GLIS3: variants seen among roughly 807,000 people sequenced by gnomAD.
The protein encoded by GLIS3 is GLIS family zinc finger 3.
In GLIS3, 53 loss-of-function variants were observed where a neutral mutation model predicts 78.6. That is an observed-to-expected ratio of 0.67 (90% CI 0.54 to 0.85). The LOEUF is 0.85. GLIS3 is among the 40% of genes least tolerant of loss of function. GLIS3 has a pLI of 0.00. For synonymous variants in GLIS3, 684 were observed against 509.9 expected (o/e 1.34, Z -4.60); for missense variants, 1,703 against 1,231.1 (o/e 1.38, Z -5.74).
intron 2 of GLIS3, among the ~76,000 whole-genome samples, chr9:4,197,260 A>G (rs975805481): frequency 6.6e-6 from 1 of 150,784 alleles, no homozygotes; most frequent in Non-Finnish European, 1.5e-5. Context: ...ATGCTGTGCA[A>G]GGGGGCCCTC....
At chr9:4,383,167 C>G in the GLIS3 span, among the ~76,000 whole-genome samples, 1 of 152,246 alleles carries the variant, frequency 6.6e-6, no homozygotes, top group South Asian at 2.1e-4. Context: ...AGGCCTCCCA[C>G]TGGCCCAAGG....
chr9:4,397,024 C>CTTTTTTTTTT, the GLIS3 span, among the ~76,000 whole-genome samples: 10 of 121,196 alleles, frequency 8.3e-5, no homozygotes, highest in Admixed American at 1.6e-4. Context: ...TTCTTTTTTT[C>CTTTTTTTTTT]TTTTTTTTTT....
chr9:4,250,788 T>A (rs1824298901), intron 2 of GLIS3, among the ~76,000 whole-genome samples: 1 of 152,256 alleles, frequency 6.6e-6, no homozygotes, highest in African/African-American at 2.4e-5. Flanking sequence ...TTTAGCTGTG[T>A]CCCAGAGATT....
chr9:4,392,493 G>C, the GLIS3 span, among the ~76,000 whole-genome samples: 1 of 152,084 alleles, frequency 6.6e-6, no homozygotes, highest in Admixed American at 6.5e-5. Flanking sequence ...TCTCCACCTC[G>C]CTGGTATCTG....
intron 3 of GLIS3, chr9:4,123,865 A>G (rs998046986): frequency 8.3e-5 from 33 of 398,094 alleles, no homozygotes; most frequent in Non-Finnish European, 3.1e-5. Flanking sequence ...TAAGAATTAC[A>G]TCTTCAGGAA....
chr9:4,065,036 T>C (rs1001048274), intron 4 of GLIS3, among the ~76,000 whole-genome samples: 1 of 152,176 alleles, frequency 6.6e-6, no homozygotes, highest in Non-Finnish European at 1.5e-5. Context: ...AGGGAAAAAG[T>C]TGGATTCTAG....
At chr9:4,406,585 C>G in the GLIS3 span, among the ~76,000 whole-genome samples, 489 of 152,226 alleles carry the variant, frequency 3.2e-3, 3 homozygotes, top group African/African-American at 0.011. Context: ...ACTATTTGAA[C>G]TGATAAATTC....
the GLIS3 span, among the ~76,000 whole-genome samples, chr9:4,358,448 G>T: frequency 6.6e-6 from 1 of 152,132 alleles, no homozygotes; most frequent in Non-Finnish European, 1.5e-5. Context: ...CTCATTTCAT[G>T]GTATAGTTTT....
At chr9:4,154,931 A>G (rs1834941844) in intron 2 of GLIS3, among the ~76,000 whole-genome samples, 1 of 152,242 alleles carries the variant, frequency 6.6e-6, no homozygotes, top group Admixed American at 6.5e-5. Flanking sequence ...TACATAAAAA[A>G]TGTCTGCTGC....
At chr9:4,293,313 C>T (rs973555965) in intron 1 of GLIS3, among the ~76,000 whole-genome samples, 2 of 152,202 alleles carry the variant, frequency 1.3e-5, no homozygotes, top group Non-Finnish European at 2.9e-5. Context: ...CCCCATCACA[C>T]ATGTAACTGA....
chr9:4,484,237 T>TA, the GLIS3 span, among the ~76,000 whole-genome samples: 2 of 139,546 alleles, frequency 1.4e-5, no homozygotes, highest in South Asian at 4.5e-4. Context: ...CTTTTTTTTT[T>TA]TATTTTTTTT....
chr9:4,133,112 C>A (rs989346228), intron 2 of GLIS3, among the ~76,000 whole-genome samples: 2 of 152,200 alleles, frequency 1.3e-5, no homozygotes, highest in Non-Finnish European at 2.9e-5. Context: ...TGAAGCTCAT[C>A]GTACTATCTA....
At chr9:3,956,161 C>T (rs560598011) in intron 4 of GLIS3, among the ~76,000 whole-genome samples, 1 of 152,074 alleles carries the variant, frequency 6.6e-6, no homozygotes, top group African/African-American at 2.4e-5. Context: ...AGCTGACTTC[C>T]ATTCTTTAGT....
At chr9:3,960,097 ACTG>A (rs1817449430) in intron 4 of GLIS3, among the ~76,000 whole-genome samples, 2 of 152,244 alleles carry the variant, frequency 1.3e-5, no homozygotes, top group African/African-American at 2.4e-5. Context: ...AGATGGAGCC[ACTG>A]CACTCTAGCC....
intron 2 of GLIS3, among the ~76,000 whole-genome samples, chr9:4,196,863 C>G (rs1481734785): frequency 2.0e-5 from 3 of 152,196 alleles, no homozygotes; most frequent in Non-Finnish European, 2.9e-5. Context: ...AACCTGGAAC[C>G]AATCTGCATG....
intron 2 of GLIS3, among the ~76,000 whole-genome samples, chr9:4,326,037 C>T (rs1250538797): frequency 6.6e-6 from 1 of 152,114 alleles, no homozygotes; most frequent in South Asian, 2.1e-4. Context: ...GGGAACAACA[C>T]ACACTGGGGC....
the GLIS3 span, among the ~76,000 whole-genome samples, chr9:4,458,624 C>T: frequency 6.6e-6 from 1 of 152,206 alleles, no homozygotes; most frequent in Admixed American, 6.5e-5. Flanking sequence ...CCCATCTCTA[C>T]TAAAATTACA....
chr9:3,943,339 G>C (rs890654359), intron 4 of GLIS3, among the ~76,000 whole-genome samples: 1 of 152,182 alleles, frequency 6.6e-6, no homozygotes, highest in Non-Finnish European at 1.5e-5. Context: ...TCCTTGTTTT[G>C]TTGGGACTAA....
chr9:3,959,834 A>C (rs1377620258), intron 4 of GLIS3, among the ~76,000 whole-genome samples: 2 of 152,234 alleles, frequency 1.3e-5, no homozygotes, highest in Admixed American at 6.5e-5. Flanking sequence ...ATCCTAATCC[A>C]ATATGTGTGG....
Sources: gnomAD v4.1 joint callset for allele counts (sites outside exome capture counted in the v4.1 genomes callset) on GRCh38, gnomAD v4.1.1 for gene constraint, MANE v1.5 for transcripts, NCBI Gene and HGNC (gene_info 2026-07-23, HGNC 2026-07-21) for gene names.